GUCY1A2: variants seen among roughly 807,000 people sequenced by gnomAD.
The protein encoded by GUCY1A2 is guanylate cyclase 1 soluble subunit alpha 2, also known as guanylate cyclase soluble subunit alpha-2.
Under a neutral mutation model 63.5 loss-of-function variants are expected in GUCY1A2, and 27 were observed. The observed-to-expected ratio is 0.43, with a 90% CI of 0.31 to 0.59. The LOEUF (loss-of-function observed/expected upper bound fraction) is 0.59, where lower values mean the gene tolerates loss of function less well. Among genes scored for constraint, GUCY1A2 ranks in the 20% least tolerant of loss-of-function variants. GUCY1A2 has a pLI of 0.11. For synonymous variants in GUCY1A2, 364 were observed against 343.5 expected (o/e 1.06, Z -0.66); for missense variants, 768 against 913.3 (o/e 0.84, Z 2.05).
At chr11:106,702,231 G>C (rs1214307103) in intron 7 of GUCY1A2, among the ~76,000 whole-genome samples, 2 of 152,166 alleles carry the variant, frequency 1.3e-5, no homozygotes, top group Non-Finnish European at 2.9e-5. Context: ...AGATATTGGA[G>C]CTAAAAGATG....
At chr11:106,900,138 T>C (rs1860111128) in intron 4 of GUCY1A2, among the ~76,000 whole-genome samples, 1 of 150,808 alleles carries the variant, frequency 6.6e-6, no homozygotes, top group South Asian at 2.1e-4. Flanking sequence ...CAATGTAAGA[T>C]GCCTGATAAC....
At chr11:106,814,607 C>T (rs1034746401) in intron 4 of GUCY1A2, among the ~76,000 whole-genome samples, 6 of 152,046 alleles carry the variant, frequency 3.9e-5, no homozygotes, top group Non-Finnish European at 5.9e-5. Flanking sequence ...CATATAGAGA[C>T]ATAAGGATAT....
At chr11:106,891,196 A>G (rs561443853) in intron 4 of GUCY1A2, among the ~76,000 whole-genome samples, 1 of 152,138 alleles carries the variant, frequency 6.6e-6, no homozygotes, top group African/African-American at 2.4e-5. Flanking sequence ...TGTGGTTTTA[A>G]TTTACATTTT....
intron 4 of GUCY1A2, among the ~76,000 whole-genome samples, chr11:106,838,312 G>C (rs1277293684): frequency 6.6e-6 from 1 of 151,924 alleles, no homozygotes; most frequent in Non-Finnish European, 1.5e-5. Flanking sequence ...AATAGGTCTA[G>C]CATGGGACCT....
intron 3 of GUCY1A2, among the ~76,000 whole-genome samples, chr11:106,970,333 A>G (rs1861177982): frequency 6.6e-6 from 1 of 152,212 alleles, no homozygotes; most frequent in African/African-American, 2.4e-5. Context: ...GCAAAAGAGA[A>G]AGAGTCTACC....
chr11:106,957,678 A>G (rs575410934), intron 3 of GUCY1A2, among the ~76,000 whole-genome samples: 18 of 150,290 alleles, frequency 1.2e-4, no homozygotes, highest in Non-Finnish European at 2.4e-4. Flanking sequence ...ACATGCTTAG[A>G]TTTTTTTTCC....
At chr11:106,716,718 G>A (rs986712491) in intron 6 of GUCY1A2, among the ~76,000 whole-genome samples, 3 of 134,276 alleles carry the variant, frequency 2.2e-5, no homozygotes, top group Admixed American at 1.7e-4. Context: ...GTAGTGAGCC[G>A]AGATCACGCT....
Position 106,986,080 on chromosome 11 carries a change from G to C in GUCY1A2, c.355C>G (p.Gln119Glu). 1 of 1,446,246 alleles carries C rather than the reference G, an allele frequency of 6.9e-7. No individual in the cohort carries two copies. Among genetic ancestry groups the C allele is most frequent in the Non-Finnish European group, 9.7e-7 (1 of 1,027,118 alleles). 89.6% of individuals were successfully genotyped at this position (1,446,246 alleles called of 1,614,324 possible). A position where few individuals can be genotyped will look rare whatever the true frequency, so the allele number is the denominator to read the frequency against. Residue 119 changes from glutamine to glutamate, a missense_variant, in exon 2 of 8, where the codon CAA (glutamine) becomes GAA (glutamate). Coordinates refer to ENST00000526355, the MANE Select transcript of GUCY1A2 (RefSeq NM_000855.3). Reference sequence around the variant, plus strand: ...TCAATTTTTACTTACCCAATAACTTGATGTTCATAATACTGCAGTGTCCTC... The same window carrying C: ...TCAATTTTTACTTACCCAATAACTTCATGTTCATAATACTGCAGTGTCCTC... The part of the protein sequence containing the change: ...LKRTLQYYEH[Q>E]VIGYRDAEKN...
Position 106,939,935 on chromosome 11 carries a change from T to C in GUCY1A2, c.731A>G (p.His244Arg), listed in dbSNP as rs1320334733. 3.1e-6 allele frequency: 5 copies of C among 1,613,786 alleles called. No homozygotes were observed. The highest frequency in any genetic ancestry group is 1.7e-5 in the Admixed American group (1 of 59,992). ...TLMLHYFHPHHIVGFAMLGMI... is the reference protein window; with the variant it reads ...TLMLHYFHPHRIVGFAMLGMI... ...CCCCAGCATTGCAAACCCCACAATA[T>C]GGTGAGGGTGGAAGTAGTGGAGCAT... is the stretch of plus-strand genomic sequence containing the variant. The change falls in exon 4 of 8, where the codon CAT becomes CGT. Residue 244 changes from histidine to arginine, a missense_variant. This residue lies in a region of GUCY1A2 where 496 missense variants were observed against 486.9 expected (regional missense o/e 1.02). Transcript: ENST00000526355.
rs1166435038 is a variant in GUCY1A2, at chr11:106,677,630, T to G, written c.*9919A>C. ...TTTGACATGCTGAATTTCATGGCAT[T>G]CTGTCATTTTTATGACATTCTGTTA... On this transcript the variant is annotated 3_prime_UTR_variant, in exon 8 of 8. Transcript: ENST00000526355. 2 of 207,088 alleles carry G rather than the reference T, an allele frequency of 9.7e-6. No homozygotes were observed. The highest frequency in any genetic ancestry group is 2.0e-5 in the Non-Finnish European group (2 of 101,398). The allele number at this position is 207,088 out of a possible 1,614,324, so 12.8% of individuals were successfully genotyped here. A position where few individuals can be genotyped will look rare whatever the true frequency, so the allele number is the denominator to read the frequency against.
intron 4 of GUCY1A2, among the ~76,000 whole-genome samples, chr11:106,838,534 CT>C (rs956976679): frequency 2.0e-5 from 3 of 151,904 alleles, no homozygotes; most frequent in African/African-American, 4.8e-5. Context: ...AAATTTTCAT[CT>C]TTATAAGCAG....
At chr11:106,792,537 A>G (rs1240381029) in intron 5 of GUCY1A2, among the ~76,000 whole-genome samples, 1 of 152,220 alleles carries the variant, frequency 6.6e-6, no homozygotes, top group Non-Finnish European at 1.5e-5. Context: ...CAAGAGATGC[A>G]GAAAAAGGCT....
chr11:106,768,327 T>A (rs1240236978), intron 6 of GUCY1A2, among the ~76,000 whole-genome samples: 1 of 139,378 alleles, frequency 7.2e-6, no homozygotes, highest in Non-Finnish European at 1.6e-5. Context: ...TAAAAACAAA[T>A]TATTTTATTT....
intron 4 of GUCY1A2, among the ~76,000 whole-genome samples, chr11:106,874,451 G>C (rs989618565): frequency 7.2e-5 from 11 of 152,200 alleles, no homozygotes; most frequent in South Asian, 2.1e-4. Flanking sequence ...CCCTCCTTCT[G>C]CCTATCTTAT....
At chr11:106,928,904 TTTGA>T (rs552121960) in intron 4 of GUCY1A2, among the ~76,000 whole-genome samples, 161 of 152,340 alleles carry the variant, frequency 1.1e-3, no homozygotes, top group Non-Finnish European at 1.7e-3. Flanking sequence ...GTACTTGGAT[TTTGA>T]TTATTTTCAG....
intron 4 of GUCY1A2, among the ~76,000 whole-genome samples, chr11:106,935,705 G>T (rs1337143713): frequency 6.6e-6 from 1 of 151,696 alleles, no homozygotes; most frequent in African/African-American, 2.4e-5. Context: ...AAATTAGCTG[G>T]GTGTGGTAGT....
rs1228907577 is a variant in GUCY1A2, at chr11:106,686,154, C to T, written c.*1395G>A. ...CTCAATAGAAACTTAGATTTTATAT[C>T]TGAACCCAAACAGGAAAACTCTGGA... On this transcript the variant is annotated 3_prime_UTR_variant, in exon 8 of 8. Transcript: ENST00000526355. The T allele has an allele frequency of 9.2e-6, 2 of 216,536 alleles. No individual in the cohort carries two copies. The highest frequency in any genetic ancestry group is 2.3e-5 in the African/African-American group (1 of 44,408). 13.4% of individuals were successfully genotyped at this position (216,536 alleles called of 1,614,324 possible).
intron 7 of GUCY1A2, among the ~76,000 whole-genome samples, chr11:106,692,611 T>C (rs917597964): frequency 6.6e-6 from 1 of 152,166 alleles, no homozygotes; most frequent in African/African-American, 2.4e-5. Context: ...GAAGTACAAA[T>C]GATCTAAATG....
intron 4 of GUCY1A2, among the ~76,000 whole-genome samples, chr11:106,847,909 T>A (rs899727696): frequency 1.3e-5 from 2 of 151,630 alleles, no homozygotes; most frequent in African/African-American, 4.8e-5. Flanking sequence ...GCAAGAATAC[T>A]ATAAATGACT....
Sources: allele counts gnomAD v4.1 joint callset (sites outside exome capture counted in the v4.1 genomes callset), GRCh38; gene constraint gnomAD v4.1.1; regional missense constraint gnomAD v4.1.1; transcripts MANE v1.5; gene names NCBI Gene and HGNC (gene_info 2026-07-23, HGNC 2026-07-21).